ZC3H3: variants seen among roughly 807,000 people sequenced by gnomAD.
ZC3H3 encodes zinc finger CCCH-type containing 3, also known as zinc finger CCCH domain-containing protein 3.
A neutral mutation model predicts 77.3 loss-of-function variants in ZC3H3; 36 were observed. The observed-to-expected ratio is 0.47, with a 90% CI of 0.36 to 0.61. The LOEUF (loss-of-function observed/expected upper bound fraction) is 0.61, where lower values mean the gene tolerates loss of function less well. Among genes scored for constraint, ZC3H3 ranks in the 20% least tolerant of loss-of-function variants. The pLI is 0.00. For missense variants in ZC3H3, 1,331 were observed against 1,312.2 expected, an observed-to-expected ratio of 1.01 and a Z score of -0.22; for synonymous variants, 626 against 555.2, an observed-to-expected ratio of 1.13 and a Z score of -1.79.
At chr8:143,447,062 C>T (rs1819879326) in intron 9 of ZC3H3, among the ~76,000 whole-genome samples, 1 of 152,254 alleles carries the variant, frequency 6.6e-6, no homozygotes, top group Non-Finnish European at 1.5e-5. Context: ...CTCCACGGCG[C>T]TCTCTTCCTT....
chr8:143,526,682 A>C (rs1822423184), intron 3 of ZC3H3, among the ~76,000 whole-genome samples: 1 of 152,164 alleles, frequency 6.6e-6, no homozygotes, highest in African/African-American at 2.4e-5. Context: ...GATGGGGCAC[A>C]GAAGGCTACA....
Position 143,440,029 on chromosome 8 carries a change from C to A in ZC3H3, c.2815+12G>T. On this transcript the variant is annotated intron_variant, in intron 11 of 11. Transcript: ENST00000262577. The stretch of plus-strand genomic sequence containing the variant: ...GGGGCCCTGGGGGCCCGAGCCAGGC[C>A]GTGCTGCCTACCTGAGTCCTTGGTG... 1.3e-6 allele frequency: 2 copies of A among 1,506,122 alleles called. No homozygotes were observed. The highest frequency in any genetic ancestry group is 2.4e-5 in the East Asian group (1 of 41,230). The allele number at this position is 1,506,122 out of a possible 1,614,324, so 93.3% of individuals were successfully genotyped here. A position where few individuals can be genotyped will look rare whatever the true frequency, so the allele number is the denominator to read the frequency against.
At position 143,437,909 on chromosome 8, in the gene ZC3H3, G is replaced by C; in HGVS notation, c.*147C>G. 1.7e-6 allele frequency: 2 copies of C among 1,152,948 alleles called. No homozygotes were observed. Among genetic ancestry groups the C allele is most frequent in the South Asian group, 1.4e-5 (1 of 73,838 alleles). 71.4% of individuals were successfully genotyped at this position (1,152,948 alleles called of 1,614,324 possible). A position where few individuals can be genotyped will look rare whatever the true frequency, so the allele number is the denominator to read the frequency against. On this transcript the variant is annotated 3_prime_UTR_variant, in exon 12 of 12. Coordinates refer to ENST00000262577, the MANE Select transcript of ZC3H3 (RefSeq NM_015117.3). Reference sequence around the variant, plus strand: ...GCACACGCTGGTCATGGAAGGTTGAGGGCCAGGCAGGCAGAGCAGTGTCCC... The same window carrying C: ...GCACACGCTGGTCATGGAAGGTTGACGGCCAGGCAGGCAGAGCAGTGTCCC...
At position 143,493,826 on chromosome 8, in the gene ZC3H3, T is replaced by C. The variant is rs1468439154; in HGVS notation, c.1715+13920A>G. Among the ~76,000 whole-genome samples, 1 of 152,198 alleles carries C rather than the reference T, an allele frequency of 6.6e-6. No individual in the cohort carries two copies. The highest frequency in any genetic ancestry group is 1.9e-4 in the East Asian group (1 of 5,204). The stretch of plus-strand genomic sequence containing the variant: ...AATTTCAGAGGCCAGTAATATTTTA[T>C]ATAATCGCCGAGTGGTTTAAATTGA... On this transcript the variant is annotated intron_variant, in intron 4 of 11. Transcript: ENST00000262577. The surrounding 1 kb of genome is among the most constrained non-coding windows in gnomAD (Gnocchi z 4.8).
intron 3 of ZC3H3, among the ~76,000 whole-genome samples, chr8:143,512,472 T>G (rs1004395403): frequency 2.6e-5 from 4 of 152,264 alleles, no homozygotes; most frequent in African/African-American, 4.8e-5. Context: ...GTGCCAACTC[T>G]GTGCCAGCCC....
intron 8 of ZC3H3, among the ~76,000 whole-genome samples, chr8:143,467,829 C>T (rs1363654878): frequency 6.6e-6 from 1 of 152,018 alleles, no homozygotes; most frequent in East Asian, 1.9e-4. Context: ...CAGCTTCCCC[C>T]CTCCTGCCAA....
At position 143,474,554 on chromosome 8, in the gene ZC3H3, G is replaced by A. The variant is rs1820671933; in HGVS notation, c.1903+844C>T. Among the ~76,000 whole-genome samples the A allele has an allele frequency of 2.0e-5, 3 of 149,330 alleles. No homozygotes were observed. In the South Asian group the frequency reaches 6.2e-4, roughly 31 times the overall value. The stretch of plus-strand genomic sequence containing the variant: ...CCAGGCAGGGCGGCCAGTGAGGCTG[G>A]CTTCCAGGGAGGTACGCTTCCTGCC... On this transcript the variant is annotated intron_variant, in intron 5 of 11. Coordinates refer to ENST00000262577, the MANE Select transcript of ZC3H3 (RefSeq NM_015117.3).
At chr8:143,537,928 C>T in intron 2 of ZC3H3, 75 bp downstream of exon 2, 1 of 1,377,352 alleles carries the variant, frequency 7.3e-7, no homozygotes, top group Non-Finnish European at 9.8e-7. Context: ...CCGAGCTCAG[C>T]AGATCCATTA....
rs1819622945 is a variant in ZC3H3, at chr8:143,437,676, A to G, written c.*380T>C. 9.7e-6 allele frequency: 3 copies of G among 308,584 alleles called. No individual in the cohort carries two copies. The Admixed American group carries it at 1.2e-4, about 12-fold the overall frequency. 19.1% of individuals were successfully genotyped at this position (308,584 alleles called of 1,614,324 possible). A position where few individuals can be genotyped will look rare whatever the true frequency, so the allele number is the denominator to read the frequency against. On this transcript the variant is annotated 3_prime_UTR_variant, in exon 12 of 12. Coordinates refer to ENST00000262577, the MANE Select transcript of ZC3H3 (RefSeq NM_015117.3). ...CCAACCAGTTACGGATAGAACCTTT[A>G]TTGCTGAACATAAAACACCTGCCTG...
chr8:143,524,969 G>A (rs1822364060), intron 3 of ZC3H3, among the ~76,000 whole-genome samples: 1 of 98,786 alleles, frequency 1.0e-5, no homozygotes, highest in Admixed American at 1.1e-4. Flanking sequence ...CCAGGGCTCT[G>A]TAATACACAC....
In ZC3H3 at chr8:143,481,852, G is replaced by C. The variant is rs547039599; in HGVS notation, c.1716-6267C>G. Among the ~76,000 whole-genome samples the C allele has an allele frequency of 3.9e-5, 6 of 152,364 alleles. No individual in the cohort carries two copies. The South Asian group carries it at 1.2e-3, about 32-fold the overall frequency. ...AGCCTCCACTCGGACCCCCTGCCCA[G>C]GGCCCTCAGCCTCACCACTGGCAGA... On this transcript the variant is annotated intron_variant, in intron 4 of 11. Coordinates refer to ENST00000262577, the MANE Select transcript of ZC3H3 (RefSeq NM_015117.3).
At chr8:143,455,156 A>T (rs543003043) in intron 9 of ZC3H3, among the ~76,000 whole-genome samples, 1 of 152,084 alleles carries the variant, frequency 6.6e-6, no homozygotes, top group East Asian at 1.9e-4. Context: ...TCTACTAAAA[A>T]TACAAACATT....
chr8:143,507,239 C>T (rs192009974), intron 4 of ZC3H3, among the ~76,000 whole-genome samples: 10 of 152,184 alleles, frequency 6.6e-5, no homozygotes, highest in African/African-American at 2.4e-4. Flanking sequence ...CAGCCTGCAT[C>T]GAGGTCAGAG....
chr8:143,536,529 G>A (rs905871211), intron 2 of ZC3H3, 76 bp from the exon 3 acceptor site: 21 of 1,396,420 alleles, frequency 1.5e-5, no homozygotes, highest in South Asian at 4.4e-5. Context: ...ACCAGGACCC[G>A]AGGAGCGTGG....
chr8:143,502,408 T>C (rs1195133112), intron 4 of ZC3H3, among the ~76,000 whole-genome samples: 1 of 152,252 alleles, frequency 6.6e-6, no homozygotes, highest in Non-Finnish European at 1.5e-5. Flanking sequence ...AATTCCTCTT[T>C]AATGAGACGC....
rs372829455 is a variant in ZC3H3, at chr8:143,538,015, C to T, written c.1352G>A (p.Arg451His). ...VKSRTKIIRRRSSTSLPGDKK... is the reference protein window; with the variant it reads ...VKSRTKIIRRHSSTSLPGDKK... ...CCGGGATGCCCACCTTGTGCTGCTGCGTCTCCGGATGATCTTGGTGCGGCT... is the reference window on the plus strand; with the variant it reads ...CCGGGATGCCCACCTTGTGCTGCTGTGTCTCCGGATGATCTTGGTGCGGCT... Residue 451 changes from arginine (R) to histidine (H), a missense_variant, in exon 2 of 12, where the codon CGC (arginine) becomes CAC (histidine). Arg to His is a conservative substitution (Grantham distance 29). Coordinates refer to ENST00000262577, the MANE Select transcript of ZC3H3 (RefSeq NM_015117.3). The T allele has an allele frequency of 2.1e-5, 34 of 1,603,356 alleles. No individual in the cohort carries two copies. In the African/African-American group the frequency reaches 2.7e-4, roughly 13 times the overall value.
chr8:143,506,723 G>A (rs974998575), intron 4 of ZC3H3, among the ~76,000 whole-genome samples: 6 of 152,198 alleles, frequency 3.9e-5, no homozygotes, highest in African/African-American at 1.2e-4. Context: ...CTGGTGATAC[G>A]GGAGGCAGCA....
chr8:143,540,805 A>C (rs1300385244), intron 1 of ZC3H3, among the ~76,000 whole-genome samples: 2 of 152,106 alleles, frequency 1.3e-5, no homozygotes, highest in African/African-American at 4.8e-5. Context: ...AAAATACAAA[A>C]ATTAGCCAGG....
chr8:143,490,700 A>G (rs1821177255), intron 4 of ZC3H3, among the ~76,000 whole-genome samples: 1 of 152,216 alleles, frequency 6.6e-6, no homozygotes, highest in Admixed American at 6.5e-5. Context: ...GGATCACTTG[A>G]GGTCAGGAGT....
Sources: gnomAD v4.1 joint callset for allele counts (sites outside exome capture counted in the v4.1 genomes callset) on GRCh38, gnomAD v4.1.1 for gene constraint, Gnocchi (gnomAD v3.1) non-coding constraint, MANE v1.5 for transcripts, NCBI Gene and HGNC (gene_info 2026-07-23, HGNC 2026-07-21) for gene names.